DTHD1: variants seen among roughly 807,000 people sequenced by gnomAD.
DTHD1 encodes the protein death domain-containing protein 1.
DTHD1 carries 59 observed loss-of-function variants against 74.8 expected under a neutral mutation model. The observed-to-expected ratio is 0.79, with a 90% CI of 0.64 to 0.98. The LOEUF (loss-of-function observed/expected upper bound fraction) is 0.98, where lower values mean the gene tolerates loss of function less well. Ranked by LOEUF, DTHD1 falls within the 50% of genes least tolerant of loss-of-function variation. The pLI is 0.00. For missense variants in DTHD1, 1,051 were observed against 1,065.4 expected (o/e 0.99, Z 0.19); for synonymous variants, 365 against 371.1 (o/e 0.98, Z 0.19).
At chr4:36,293,729 G>C in intron 4 of DTHD1, 24 bp downstream of exon 4, 1 of 1,457,238 alleles carries the variant, frequency 6.9e-7, no homozygotes, top group South Asian at 1.4e-5. Context: ...AAATAGGTGA[G>C]TTCCTGCTCA....
chr4:36,282,792 G>C (rs1166330976), intron 1 of DTHD1, among the ~76,000 whole-genome samples: 1 of 152,150 alleles, frequency 6.6e-6, no homozygotes, highest in East Asian at 1.9e-4. Flanking sequence ...TCAATCTAAA[G>C]GGCAAATAGT....
intron 6 of DTHD1, 49 bp downstream of exon 6, chr4:36,306,401 C>A: frequency 1.4e-6 from 2 of 1,467,886 alleles, no homozygotes; most frequent in South Asian, 2.8e-5. Flanking sequence ...TTCTGATGGT[C>A]ATAACTGGTG....
chr4:36,303,074 G>T lies in DTHD1; in HGVS notation c.1644-3117G>T, dbSNP rs1329753658. ...CCTCAGGGAGATTAGTACTGTCTGG[G>T]TGAGTCCCAAGCAAAATTGGTCATT... is the stretch of plus-strand genomic sequence containing the variant. On this transcript the variant is annotated intron_variant, in intron 5 of 9. Transcript: ENST00000639862. 2.6e-5 allele frequency among the ~76,000 whole-genome samples: 4 copies of T among 152,104 alleles called. No homozygotes were observed. In the East Asian group the frequency reaches 7.7e-4, roughly 29 times the overall value.
chr4:36,288,631 A>C (rs1755862173), intron 2 of DTHD1, among the ~76,000 whole-genome samples: 1 of 152,064 alleles, frequency 6.6e-6, no homozygotes. Context: ...ATTTGGCTTT[A>C]TTTCAGGGTC....
intron 3 of DTHD1, 77 bp downstream of exon 3, chr4:36,290,780 G>C: frequency 8.4e-7 from 1 of 1,186,016 alleles, no homozygotes; most frequent in South Asian, 1.6e-5. Flanking sequence ...ACAGATTGTA[G>C]TGTAGATATA....
chr4:36,296,984 A>G (rs1201152955), intron 5 of DTHD1, among the ~76,000 whole-genome samples: 1 of 152,202 alleles, frequency 6.6e-6, no homozygotes, highest in Non-Finnish European at 1.5e-5. Flanking sequence ...TTTGTAAGGT[A>G]TATGTACTAT....
At chr4:36,320,490 T>C (rs949720598) in intron 8 of DTHD1, among the ~76,000 whole-genome samples, 1 of 152,246 alleles carries the variant, frequency 6.6e-6, no homozygotes, top group African/African-American at 2.4e-5. Flanking sequence ...CATTTAAACT[T>C]CTGCTGTCTT....
chr4:36,322,619 G>T (rs1050565357), intron 8 of DTHD1, among the ~76,000 whole-genome samples: 1 of 152,078 alleles, frequency 6.6e-6, no homozygotes, highest in Admixed American at 6.5e-5. Flanking sequence ...TGGTCAGTGC[G>T]CATGTGAGGG....
chr4:36,343,026 G>A lies in DTHD1; in HGVS notation c.2399-476G>A, dbSNP rs112955924. Among the ~76,000 whole-genome samples the A allele has an allele frequency of 5.0e-3, 764 of 152,034 alleles. 7 individuals are homozygous for A. Among genetic ancestry groups the A allele is most frequent in the African/African-American group, 0.017 (711 of 41,430 alleles). ...GAATCGCTTGAACCCAGGAGGCGAA[G>A]GTTGCAGTGAGCCCAGCTCACACGA... On this transcript the variant is annotated intron_variant, in intron 9 of 9. Transcript: ENST00000639862.
rs55956868 is a variant in DTHD1, at chr4:36,342,918, C to CAAAAAAA, written c.2399-569_2399-563dup. 1.3e-3 allele frequency among the ~76,000 whole-genome samples: 124 copies of CAAAAAAA among 96,978 alleles called. 1 individual carries two copies. Among genetic ancestry groups the CAAAAAAA allele is most frequent in the Non-Finnish European group, 2.0e-3 (96 of 47,916 alleles). 63.6% of individuals were successfully genotyped at this position (96,978 alleles called of 152,430 possible). On this transcript the variant is annotated intron_variant, in intron 9 of 9. Transcript: ENST00000639862. ...TGAAACCCCGTCTCTACTAAAAATA[C>CAAAAAAA]AAAAAAAAAAAAAAAAAAAAATCCC... is the stretch of plus-strand genomic sequence containing the variant.
chr4:36,336,700 C>CTAAGCAAGCATGTAATTAGA (rs1759028156), intron 8 of DTHD1, among the ~76,000 whole-genome samples: 1 of 142,678 alleles, frequency 7.0e-6, no homozygotes, highest in East Asian at 1.9e-4. Context: ...CCTGGAATTT[C>CTAAGCAAGCATGTAATTAGA]TAAGCAAGCA....
chr4:36,330,242 T>C (rs1456720553), intron 8 of DTHD1, among the ~76,000 whole-genome samples: 1 of 152,168 alleles, frequency 6.6e-6, no homozygotes, highest in Non-Finnish European at 1.5e-5. Context: ...GTCAGTAAAA[T>C]TGATATATGT....
rs540808135 is a variant in DTHD1, at chr4:36,309,813, C to T, written c.2095+1320C>T. Among the ~76,000 whole-genome samples the T allele has an allele frequency of 2.2e-3, 332 of 152,162 alleles. 5 individuals carry two copies. Among genetic ancestry groups the T allele is most frequent in the Non-Finnish European group, 3.0e-3 (206 of 67,984 alleles). On this transcript the variant is annotated intron_variant, in intron 7 of 9. Coordinates refer to ENST00000639862, the MANE Select transcript of DTHD1 (RefSeq NM_001170700.3). ...AACTATCATCCTCATTTTTTCTGTA[C>T]AATGTTTGATAGATTTATATCTAGA...
chr4:36,298,926 C>A (rs973081723), intron 5 of DTHD1, among the ~76,000 whole-genome samples: 1 of 151,996 alleles, frequency 6.6e-6, no homozygotes, highest in Non-Finnish European at 1.5e-5. Context: ...GTGATTCATG[C>A]CTGAGAATAT....
chr4:36,303,799 T>C (rs1756903173), intron 5 of DTHD1, among the ~76,000 whole-genome samples: 1 of 152,206 alleles, frequency 6.6e-6, no homozygotes, highest in Non-Finnish European at 1.5e-5. Context: ...GCATCTGTCA[T>C]GGCCATCAAA....
chr4:36,327,576 C>T (rs1758425314), intron 8 of DTHD1, among the ~76,000 whole-genome samples: 2 of 152,150 alleles, frequency 1.3e-5, no homozygotes, highest in Non-Finnish European at 2.9e-5. Flanking sequence ...TGCATTTTAA[C>T]GATTATTTAG....
chr4:36,306,449 T>G (rs1398577973), intron 6 of DTHD1, 97 bp downstream of exon 6: 1 of 1,262,396 alleles, frequency 7.9e-7, no homozygotes, highest in Non-Finnish European at 1.1e-6. Flanking sequence ...ATTTTTATTC[T>G]TCGAATAGAA....
chr4:36,336,711 T>C (rs374481848), intron 8 of DTHD1, among the ~76,000 whole-genome samples: 40 of 152,224 alleles, frequency 2.6e-4, no homozygotes, highest in African/African-American at 8.7e-4. Flanking sequence ...TAAGCAAGCA[T>C]GTAATTAGAT....
At chr4:36,285,525 C>T (rs867217153) in intron 2 of DTHD1, among the ~76,000 whole-genome samples, 2 of 151,982 alleles carry the variant, frequency 1.3e-5, no homozygotes, top group Non-Finnish European at 2.9e-5. Context: ...GTGAGAAAGA[C>T]CAATCTATTT....
Sources: gnomAD v4.1 joint callset for allele counts (sites outside exome capture counted in the v4.1 genomes callset) on GRCh38, gnomAD v4.1.1 for gene constraint, MANE v1.5 for transcripts, NCBI Gene and HGNC (gene_info 2026-07-23, HGNC 2026-07-21) for gene names.